The following B3GNT4 variants were observed in gnomAD, a reference collection of about 807,000 sequenced individuals.
B3GNT4 encodes UDP-GlcNAc:betaGal beta-1,3-N-acetylglucosaminyltransferase 4.
A neutral mutation model predicts 2.7 loss-of-function variants in B3GNT4; 2 were observed. That is an observed-to-expected ratio of 0.73 (90% CI 0.30 to 2.31). The LOEUF is 2.31. B3GNT4 is among the 30% of genes most tolerant of loss of function. The pLI is 0.12. For synonymous variants in B3GNT4, 280 were observed against 203.4 expected, an observed-to-expected ratio of 1.38 and a Z score of -3.20; for missense variants, 708 against 490.9, an observed-to-expected ratio of 1.44 and a Z score of -4.18.
At position 122,208,420 on chromosome 12, in the gene B3GNT4, C is replaced by G; in HGVS notation, c.*1032C>G. 1 of 1,613,484 alleles carries G rather than the reference C, an allele frequency of 6.2e-7. No homozygotes were observed. Among genetic ancestry groups the G allele is most frequent in the Non-Finnish European group, 8.5e-7 (1 of 1,180,036 alleles). On this transcript the variant is annotated 3_prime_UTR_variant, in exon 3 of 3. Coordinates refer to ENST00000324189, the MANE Select transcript of B3GNT4 (RefSeq NM_030765.4). The stretch of plus-strand genomic sequence containing the variant: ...GGTAGGCCTCCTGCTCCGACTCAGC[C>G]CGCTCCTCCCCTTCCTCCTGTGTTT...
Position 122,206,767 on chromosome 12 carries a change from CTA to C in B3GNT4, c.518_519del (p.Tyr173Ter), listed in dbSNP as rs757232979. Reference protein sequence around the residue: ...GSAPPAQLLAYESREFDDILQ... With the variant: ...GSAPPAQLLAXESREFDDILQ... Reference sequence around the variant, plus strand: ...CCGCTCCCCCAGCCCAGCTGCTGGCCTATGAGAGTAGGGAGTTTGATGACATC... The same window carrying C: ...CCGCTCCCCCAGCCCAGCTGCTGGCCTGAGAGTAGGGAGTTTGATGACATC... On this transcript the variant is annotated frameshift_variant, in exon 3 of 3. Transcript: ENST00000324189. LOFTEE classifies it low-confidence loss of function (END_TRUNC). The C allele has an allele frequency of 5.6e-6, 9 of 1,606,676 alleles. No homozygotes were observed. The highest frequency in any genetic ancestry group is 6.8e-6 in the Non-Finnish European group (8 of 1,175,932).
chr12:122,206,135 G>C (rs1639756103), intron 2 of B3GNT4, 183 bp from the exon 3 acceptor site: 1 of 526,672 alleles, frequency 1.9e-6, no homozygotes, highest in African/African-American at 1.9e-5. Context: ...GGCTGGCAAA[G>C]CAGCTGTGCT....
Sources: gnomAD v4.1 joint callset for allele counts on GRCh38, gnomAD v4.1.1 for gene constraint, MANE v1.5 for transcripts, NCBI Gene and HGNC (gene_info 2026-07-23, HGNC 2026-07-21) for gene names.